The following ABCC8 variants were observed in gnomAD, a reference collection of about 807,000 sequenced individuals.
ABCC8 encodes the protein ATP binding cassette subfamily C member 8, also known as ATP-binding cassette sub-family C member 8.
A neutral mutation model predicts 188.0 loss-of-function variants in ABCC8; 137 were observed. The ratio of observed to expected loss-of-function variants is 0.73; its 90% CI spans 0.63 to 0.84. The LOEUF (loss-of-function observed/expected upper bound fraction) is 0.84, where lower values mean the gene tolerates loss of function less well. Ranked by LOEUF, ABCC8 falls within the 40% of genes least tolerant of loss-of-function variation. ABCC8 has a pLI of 0.00. For synonymous variants in ABCC8, 797 were observed against 846.5 expected (o/e 0.94, Z 1.01); for missense variants, 1,750 against 2,072.7 (o/e 0.84, Z 3.02).
intron 7 of ABCC8, among the ~76,000 whole-genome samples, chr11:17,450,685 C>CATTTTTT (rs1956780731): frequency 2.6e-5 from 2 of 76,706 alleles, no homozygotes; most frequent in African/African-American, 1.2e-4. Flanking sequence ...GCATGAGCCA[C>CATTTTTT]TTTTTTTTTT....
At chr11:17,408,624 A>G (rs891336803) in intron 22 of ABCC8, 107 bp from the exon 23 acceptor site, 111 of 1,496,656 alleles carry the variant, frequency 7.4e-5, no homozygotes, top group Non-Finnish European at 1.8e-5. Context: ...CCCTTTCCTC[A>G]CTACAAATGG....
rs541327325 is a variant in ABCC8, at chr11:17,404,766, G to T, written c.3400-97C>A. On this transcript the variant is annotated intron_variant, in intron 27 of 38. Coordinates refer to ENST00000389817, the MANE Select transcript of ABCC8 (RefSeq NM_000352.6). The surrounding 1 kb of genome is among the most constrained non-coding windows in gnomAD (Gnocchi z 4.7). ...ATGTTTTGCTCTCACTTTATTTTTT[G>T]ATCCTTTATTTTTTTGAGACTGAGT... 1,248 of 1,513,388 alleles carry T rather than the reference G, an allele frequency of 8.2e-4. 1 individual carries two copies. Among genetic ancestry groups the T allele is most frequent in the Non-Finnish European group, 1.0e-3 (1,171 of 1,116,802 alleles). The allele number at this position is 1,513,388 out of a possible 1,614,324, so 93.7% of individuals were successfully genotyped here.
rs55696758 is a variant in ABCC8, at chr11:17,421,004, G to C, written c.2223-4042C>G. On this transcript the variant is annotated intron_variant, in intron 16 of 38. Transcript: ENST00000389817. ...ACCACACAGTTCTCTCTGAGACCAG[G>C]AGCCAGGCTGCTGACGTGAGGGACA... Among the ~76,000 whole-genome samples, 529 of 152,330 alleles carry C rather than the reference G, an allele frequency of 3.5e-3. 1 individual carries two copies. The highest frequency in any genetic ancestry group is 0.012 in the African/African-American group (509 of 41,564).
intron 3 of ABCC8, among the ~76,000 whole-genome samples, chr11:17,466,634 TG>T (rs2133698444): frequency 1.0e-5 from 1 of 98,972 alleles, no homozygotes; most frequent in African/African-American, 3.9e-5. Context: ...TTTCTTTTTT[TG>T]AGACAGGGTC....
At chr11:17,410,722 A>G in intron 21 of ABCC8, 69 bp from the exon 22 acceptor site, 1 of 1,603,132 alleles carries the variant, frequency 6.2e-7, no homozygotes, top group South Asian at 1.1e-5. Context: ...GACAATGAGT[A>G]TAAAACCCAT....
At chr11:17,461,346 C>A in intron 5 of ABCC8, 2 of 581,932 alleles carry the variant, frequency 3.4e-6, no homozygotes, top group East Asian at 3.0e-5. Context: ...TGGATAAGGA[C>A]TTTGGACTAG....
intron 7 of ABCC8, 66 bp downstream of exon 7, chr11:17,453,053 A>ATT: frequency 2.9e-6 from 4 of 1,368,888 alleles, no homozygotes; most frequent in Non-Finnish European, 4.2e-6. Flanking sequence ...AGGATGAATA[A>ATT]CACTCATGGA....
intron 8 of ABCC8, among the ~76,000 whole-genome samples, chr11:17,446,163 A>T (rs553501578): frequency 4.6e-5 from 7 of 151,942 alleles, no homozygotes; most frequent in Non-Finnish European, 1.0e-4. Flanking sequence ...ACGGGGTTTC[A>T]CCATATTGGT....
chr11:17,436,720 C>G (rs1332063863), intron 10 of ABCC8, among the ~76,000 whole-genome samples: 1 of 152,206 alleles, frequency 6.6e-6, no homozygotes, highest in Non-Finnish European at 1.5e-5. Context: ...GCCATCAAAA[C>G]TGAAAGCCCT....
chr11:17,421,342 G>C (rs1278739669), intron 16 of ABCC8, among the ~76,000 whole-genome samples: 1 of 152,184 alleles, frequency 6.6e-6, no homozygotes, highest in African/African-American at 2.4e-5. Flanking sequence ...GGAGAAGAGG[G>C]GTAGTGAAAT....
At chr11:17,441,479 C>G (rs1461023079) in intron 10 of ABCC8, among the ~76,000 whole-genome samples, 4 of 152,192 alleles carry the variant, frequency 2.6e-5, no homozygotes, top group Non-Finnish European at 5.9e-5. Flanking sequence ...TTCATGTAAC[C>G]TGTGCACTGA....
At position 17,406,797 on chromosome 11, in the gene ABCC8, G is replaced by T. The variant is rs1954551768; in HGVS notation, c.3163-9C>A. The T allele has an allele frequency of 6.2e-7, 1 of 1,614,082 alleles. No homozygotes were observed. The highest frequency in any genetic ancestry group is 1.3e-5 in the African/African-American group (1 of 74,926). On this transcript the variant is annotated splice_polypyrimidine_tract_variant and intron_variant, in intron 25 of 38. Coordinates refer to ENST00000389817, the MANE Select transcript of ABCC8 (RefSeq NM_000352.6). Reference sequence around the variant, plus strand: ...TGGTCGAGGGTGCACTCCTTCACAGGCAGAGAGTGATTTGGAGTTCCAGGG... The same window carrying T: ...TGGTCGAGGGTGCACTCCTTCACAGTCAGAGAGTGATTTGGAGTTCCAGGG...
rs1039075263 is a variant in ABCC8, at chr11:17,469,979, T to C, written c.412+122A>G. The C allele has an allele frequency of 5.4e-6, 7 of 1,300,862 alleles. No homozygotes were observed. In the African/African-American group the frequency reaches 1.0e-4, roughly 19 times the overall value. 80.6% of individuals were successfully genotyped at this position (1,300,862 alleles called of 1,614,324 possible). A position where few individuals can be genotyped will look rare whatever the true frequency, so the allele number is the denominator to read the frequency against. ...TAAGCTCCATGAAGGCAGGGATTTT[T>C]TTCTTTTTCTATTCCAAATCTCTAC... On this transcript the variant is annotated intron_variant, in intron 3 of 38. Transcript: ENST00000389817.
intron 14 of ABCC8, 107 bp downstream of exon 14, chr11:17,428,182 G>A (rs1955673786): frequency 1.3e-6 from 2 of 1,573,976 alleles, no homozygotes; most frequent in African/African-American, 1.3e-5. Flanking sequence ...CAGGCAGGCA[G>A]GGTGACCTCT....
intron 10 of ABCC8, among the ~76,000 whole-genome samples, chr11:17,439,644 G>A (rs552276931): frequency 3.3e-5 from 5 of 151,982 alleles, no homozygotes; most frequent in East Asian, 1.9e-4. Flanking sequence ...ACACATCCTC[G>A]GAAAGGCAAA....
intron 16 of ABCC8, among the ~76,000 whole-genome samples, chr11:17,420,978 A>T (rs1044346926): frequency 4.6e-5 from 7 of 152,332 alleles, no homozygotes; most frequent in African/African-American, 1.4e-4. Flanking sequence ...AATGCTTGGG[A>T]ACCACACAGT....
At chr11:17,468,213 A>G (rs1848277558) in intron 3 of ABCC8, among the ~76,000 whole-genome samples, 1 of 152,198 alleles carries the variant, frequency 6.6e-6, no homozygotes, top group Non-Finnish European at 1.5e-5. Context: ...CCTTCTACAG[A>G]AAGGCAGACC....
intron 8 of ABCC8, among the ~76,000 whole-genome samples, chr11:17,446,475 C>T (rs11828686): frequency 4.6e-5 from 7 of 152,058 alleles, no homozygotes. Context: ...GATGAGGTCT[C>T]TCTATGTTGC....
intron 6 of ABCC8, among the ~76,000 whole-genome samples, chr11:17,455,918 G>T (rs1397448485): frequency 7.2e-6 from 1 of 139,798 alleles, no homozygotes; most frequent in Non-Finnish European, 1.5e-5. Flanking sequence ...CAGCCTGGGA[G>T]ACAGAGTGAG....
Sources: allele counts gnomAD v4.1 joint callset (sites outside exome capture counted in the v4.1 genomes callset), GRCh38; gene constraint gnomAD v4.1.1; non-coding constraint Gnocchi (gnomAD v3.1); transcripts MANE v1.5; gene names NCBI Gene and HGNC (gene_info 2026-07-23, HGNC 2026-07-21).